Variants in FBXO22 observed in about 807,000 individuals in gnomAD.
The protein encoded by FBXO22 is F-box protein 22, also known as F-box only protein 22.
FBXO22 carries 13 observed loss-of-function variants against 37.2 expected under a neutral mutation model. That is an observed-to-expected ratio of 0.35 (90% CI 0.23 to 0.56). The LOEUF is 0.56. Ranked by LOEUF, FBXO22 falls within the 20% of genes least tolerant of loss-of-function variation. FBXO22 has a pLI of 0.87. For missense variants in FBXO22, 446 were observed against 509.9 expected (o/e 0.87, Z 1.21); for synonymous variants, 189 against 189.1 (o/e 1.00, Z 0.00).
In FBXO22 at chr15:75,904,030, T is replaced by C. The variant is rs1899859098; in HGVS notation, c.67T>C (p.Leu23=). 6.4e-7 allele frequency: 1 copy of C among 1,572,988 alleles called. No homozygotes were observed. The highest frequency in any genetic ancestry group is 8.6e-7 in the Non-Finnish European group (1 of 1,158,852). ...SSVDPRSTFV[L]SNLAEVVERV... Reference sequence around the variant, plus strand: ...CGTAGACCCGCGGAGCACCTTCGTGTTGAGTAACCTGGCGGAGGTGGTGGA... The same window carrying C: ...CGTAGACCCGCGGAGCACCTTCGTGCTGAGTAACCTGGCGGAGGTGGTGGA... The change falls in exon 1 of 7, where the codon TTG becomes CTG. Residue 23 remains leucine, a synonymous_variant. Coordinates refer to ENST00000308275, the MANE Select transcript of FBXO22 (RefSeq NM_147188.3).
chr15:75,921,184 C>A (rs117729312), intron 5 of FBXO22, among the ~76,000 whole-genome samples: 4,647 of 152,128 alleles, frequency 0.031, 97 homozygotes, highest in Non-Finnish European at 0.048. Context: ...TAAAAAGGTA[C>A]AGTAAAAACA....
At chr15:75,922,654 C>T (rs962790726) in intron 5 of FBXO22, among the ~76,000 whole-genome samples, 2 of 152,160 alleles carry the variant, frequency 1.3e-5, no homozygotes, top group African/African-American at 4.8e-5. Context: ...GGGCTTAGCT[C>T]CTGTACACAG....
At position 75,939,465 on chromosome 15, in the gene FBXO22, T is replaced by C. The variant is rs2030713424; in HGVS notation, c.*6363T>C. On this transcript the variant is annotated 3_prime_UTR_variant, in exon 7 of 7. Transcript: ENST00000308275. ...AAAAAAGCACTGGACCTGATGGTTT[T>C]CATTTGTGAATTCTACCAAATAAGA... 1 of 152,194 alleles carries C rather than the reference T, an allele frequency of 6.6e-6. No individual in the cohort carries two copies. Among genetic ancestry groups the C allele is most frequent in the South Asian group, 2.1e-4 (1 of 4,834 alleles). The allele number at this position is 152,194 out of a possible 1,614,324, so 9.4% of individuals were successfully genotyped here.
At chr15:75,919,291 G>T (rs1326755543) in intron 5 of FBXO22, among the ~76,000 whole-genome samples, 1 of 152,128 alleles carries the variant, frequency 6.6e-6, no homozygotes, top group Admixed American at 6.5e-5. Flanking sequence ...TATTCTTGAA[G>T]AATGCTAAGA....
intron 4 of FBXO22, 152 bp from the exon 5 acceptor site, chr15:75,917,078 A>G (rs1042288543): frequency 2.2e-5 from 12 of 536,626 alleles, no homozygotes; most frequent in African/African-American, 2.2e-4. Flanking sequence ...TTAAATGGCA[A>G]ACATCATGAC....
At chr15:75,928,675 A>G (rs1370697491) in intron 5 of FBXO22, among the ~76,000 whole-genome samples, 1 of 151,862 alleles carries the variant, frequency 6.6e-6, no homozygotes, top group Non-Finnish European at 1.5e-5. Context: ...TGCACAACAA[A>G]CCCCCATGAC....
rs1258847352 is a variant in FBXO22 at position 75,934,871 on chromosome 15, G to A, written c.*1769G>A. 2 of 152,124 alleles carry A rather than the reference G, an allele frequency of 1.3e-5. No homozygotes were observed. The highest frequency in any genetic ancestry group is 6.5e-5 in the Admixed American group (1 of 15,272). The allele number at this position is 152,124 out of a possible 1,614,324, so 9.4% of individuals were successfully genotyped here. A position where few individuals can be genotyped will look rare whatever the true frequency, so the allele number is the denominator to read the frequency against. On this transcript the variant is annotated 3_prime_UTR_variant, in exon 7 of 7. Transcript: ENST00000308275. Reference sequence around the variant, plus strand: ...AAAACTGAAAATATGAACAAAATGAGCCTTAGAATTGAATGGATTATTTTA... The same window carrying A: ...AAAACTGAAAATATGAACAAAATGAACCTTAGAATTGAATGGATTATTTTA...
intron 2 of FBXO22, among the ~76,000 whole-genome samples, chr15:75,910,902 A>T (rs1433977660): frequency 1.3e-5 from 2 of 152,212 alleles, no homozygotes; most frequent in Non-Finnish European, 2.9e-5. Flanking sequence ...TTTAGGTCTT[A>T]CATTTAAGTC....
chr15:75,904,674 G>A (rs773149520), intron 2 of FBXO22, 45 bp downstream of exon 2: 79 of 1,534,918 alleles, frequency 5.1e-5, no homozygotes, highest in Non-Finnish European at 6.9e-5. Context: ...CAGGTTGGTG[G>A]TTCAGTCTTT....
At chr15:75,920,432 C>T (rs1400218170) in intron 5 of FBXO22, among the ~76,000 whole-genome samples, 1 of 152,108 alleles carries the variant, frequency 6.6e-6, no homozygotes, top group Non-Finnish European at 1.5e-5. Context: ...TTTATGGCAG[C>T]AAATTTAGTA....
chr15:75,934,050 A>G lies in FBXO22; in HGVS notation c.*948A>G, dbSNP rs1399454665. 1 of 152,860 alleles carries G rather than the reference A, an allele frequency of 6.5e-6. No individual in the cohort carries two copies. Among genetic ancestry groups the G allele is most frequent in the Non-Finnish European group, 1.5e-5 (1 of 68,524 alleles). The allele number at this position is 152,860 out of a possible 1,614,324, so 9.5% of individuals were successfully genotyped here. On this transcript the variant is annotated 3_prime_UTR_variant, in exon 7 of 7. Coordinates refer to ENST00000308275, the MANE Select transcript of FBXO22 (RefSeq NM_147188.3). ...TCCATTCTTTACTTTTCACATAATGATAGAACCTTTGATTTTTCAAGTGGG... is the reference window on the plus strand; with the variant it reads ...TCCATTCTTTACTTTTCACATAATGGTAGAACCTTTGATTTTTCAAGTGGG...
rs1292331349 is a variant in FBXO22 at position 75,934,750 on chromosome 15, A to G, written c.*1648A>G. On this transcript the variant is annotated 3_prime_UTR_variant, in exon 7 of 7. Coordinates refer to ENST00000308275, the MANE Select transcript of FBXO22 (RefSeq NM_147188.3). Reference sequence around the variant, plus strand: ...AATACCTCAAAATTTTAGTCCTTGAATGTGCTCATATAGCCCATAAGGCAA... The same window carrying G: ...AATACCTCAAAATTTTAGTCCTTGAGTGTGCTCATATAGCCCATAAGGCAA... 1 of 152,334 alleles carries G rather than the reference A, an allele frequency of 6.6e-6. No homozygotes were observed. The highest frequency in any genetic ancestry group is 2.4e-5 in the African/African-American group (1 of 41,570). The allele number at this position is 152,334 out of a possible 1,614,324, so 9.4% of individuals were successfully genotyped here.
chr15:75,942,255 T>G lies in FBXO22; in HGVS notation c.*9153T>G, dbSNP rs550870169. On this transcript the variant is annotated 3_prime_UTR_variant, in exon 7 of 7. Transcript: ENST00000308275. ...GTGGATACATGACATTATATATTGG[T>G]CAAAATCCATAAAGACATACAACAA... 1 of 152,234 alleles carries G rather than the reference T, an allele frequency of 6.6e-6. No individual in the cohort carries two copies. Among genetic ancestry groups the G allele is most frequent in the Non-Finnish European group, 1.5e-5 (1 of 68,032 alleles). 9.4% of individuals were successfully genotyped at this position (152,234 alleles called of 1,614,324 possible).
At position 75,911,938 on chromosome 15, in the gene FBXO22, A is replaced by C. The variant is rs1008157028; in HGVS notation, c.280-1265A>C. ...CTCTTATTATTTTGAGATACGTTCC[A>C]TCAATACCTAGTTTATTGAGAGTTT... On this transcript the variant is annotated intron_variant, in intron 2 of 6. Coordinates refer to ENST00000308275, the MANE Select transcript of FBXO22 (RefSeq NM_147188.3). Among the ~76,000 whole-genome samples, 4 of 150,068 alleles carry C rather than the reference A, an allele frequency of 2.7e-5. No homozygotes were observed. The South Asian group carries it at 8.6e-4, about 32-fold the overall frequency.
In FBXO22 at chr15:75,904,042, G is replaced by A; in HGVS notation, c.79G>A (p.Ala27Thr). 1.3e-6 allele frequency: 2 copies of A among 1,566,750 alleles called. No homozygotes were observed. The highest frequency in any genetic ancestry group is 1.7e-6 in the Non-Finnish European group (2 of 1,155,026). ...GAGCACCTTCGTGTTGAGTAACCTG[G>A]CGGAGGTGGTGGAGCGTGTGCTCAC... is the stretch of plus-strand genomic sequence containing the variant. Reference protein sequence around the residue: ...PRSTFVLSNLAEVVERVLTFL... With the variant: ...PRSTFVLSNLTEVVERVLTFL... Residue 27 changes from alanine (A) to threonine (T), a missense_variant, in exon 1 of 7, where the codon GCG becomes ACG. Around this residue, in one of 2 missense-constraint regions of FBXO22, gnomAD observed 131 missense variants for 99.8 expected, o/e 1.31. Transcript: ENST00000308275.
In FBXO22 at chr15:75,912,501, G is replaced by C. The variant is rs550132558; in HGVS notation, c.280-702G>C. Among the ~76,000 whole-genome samples the C allele has an allele frequency of 5.3e-5, 8 of 152,206 alleles. No individual in the cohort carries two copies. The East Asian group carries it at 1.4e-3, about 26-fold the overall frequency. ...CTTCTTCCTGGTTTAGTGTTGGAAG[G>C]GGGTATGTGTCCAGGAATTTATCCA... On this transcript the variant is annotated intron_variant, in intron 2 of 6. Coordinates refer to ENST00000308275, the MANE Select transcript of FBXO22 (RefSeq NM_147188.3).
rs887032059 is a variant in FBXO22, at chr15:75,939,745, A to G, written c.*6643A>G. ...GATTGTTCAACATACAAAAATCAAT[A>G]TAATATACTACATTAACAGAACGAA... On this transcript the variant is annotated 3_prime_UTR_variant, in exon 7 of 7. Coordinates refer to ENST00000308275, the MANE Select transcript of FBXO22 (RefSeq NM_147188.3). 1 of 152,194 alleles carries G rather than the reference A, an allele frequency of 6.6e-6. No individual in the cohort carries two copies. The highest frequency in any genetic ancestry group is 1.5e-5 in the Non-Finnish European group (1 of 68,000). The allele number at this position is 152,194 out of a possible 1,614,324, so 9.4% of individuals were successfully genotyped here. A position where few individuals can be genotyped will look rare whatever the true frequency, so the allele number is the denominator to read the frequency against.
chr15:75,916,822 A>G (rs1170787928), intron 4 of FBXO22, among the ~76,000 whole-genome samples: 1 of 148,786 alleles, frequency 6.7e-6, no homozygotes, highest in Non-Finnish European at 1.5e-5. Context: ...ACTTGGGTAT[A>G]TATATACTTT....
At position 75,940,360 on chromosome 15, in the gene FBXO22, C is replaced by T. The variant is rs908368740; in HGVS notation, c.*7258C>T. On this transcript the variant is annotated 3_prime_UTR_variant, in exon 7 of 7. Coordinates refer to ENST00000308275, the MANE Select transcript of FBXO22 (RefSeq NM_147188.3). ...AAGATAAAAATAAACGGAAATACAT[C>T]TCATGTTCATGGATTGGAAAATCTA... 7 of 151,878 alleles carry T rather than the reference C, an allele frequency of 4.6e-5. No homozygotes were observed. Among genetic ancestry groups the T allele is most frequent in the African/African-American group, 1.7e-4 (7 of 41,344 alleles). The allele number at this position is 151,878 out of a possible 1,614,324, so 9.4% of individuals were successfully genotyped here.
Sources: allele counts gnomAD v4.1 joint callset (sites outside exome capture counted in the v4.1 genomes callset), GRCh38; gene constraint gnomAD v4.1.1; regional missense constraint gnomAD v4.1.1; transcripts MANE v1.5; gene names NCBI Gene and HGNC (gene_info 2026-07-23, HGNC 2026-07-21).